The following ZC3H11A variants were observed in gnomAD, a reference collection of about 807,000 sequenced individuals.
ZC3H11A encodes zinc finger CCCH-type containing 11A, also known as zinc finger CCCH domain-containing protein 11A.
In ZC3H11A, 22 loss-of-function variants were observed where a neutral mutation model predicts 90.8. The ratio of observed to expected loss-of-function variants is 0.24; its 90% CI spans 0.17 to 0.35. The LOEUF is 0.35. Ranked by LOEUF, ZC3H11A falls within the 10% of genes least tolerant of loss-of-function variation. The probability of loss-of-function intolerance (pLI) is 1.00; values close to 1 mark genes in which losing one functional copy is unlikely to be tolerated. For synonymous variants in ZC3H11A, 294 were observed against 339.8 expected (o/e 0.87, Z 1.48); for missense variants, 701 against 964.9 (o/e 0.73, Z 3.62).
chr1:203,852,248 C>T lies in ZC3H11A; in HGVS notation c.2282C>T (p.Ser761Leu), dbSNP rs1689491294. 3.1e-6 allele frequency: 5 copies of T among 1,613,658 alleles called. No homozygotes were observed. Among genetic ancestry groups the T allele is most frequent in the Non-Finnish European group, 4.2e-6 (5 of 1,179,822 alleles). The change falls in exon 18 of 18, where the codon TCA becomes TTA. Residue 761 changes from serine to leucine, a missense_variant. Coordinates refer to ENST00000367210, the MANE Select transcript of ZC3H11A (RefSeq NM_001376342.1). ...AAAACTCGCCGACTCAGCTCTGCCT[C>T]AACAGGAAAGCCCCCACTCTCTGTG... ...SMKTRRLSSA[S>L]TGKPPLSVED... is the part of the protein sequence containing the mutation.
At chr1:203,825,076 CAA>C (rs61108073) in intron 4 of ZC3H11A, among the ~76,000 whole-genome samples, 2 of 108,972 alleles carry the variant, frequency 1.8e-5, no homozygotes. Flanking sequence ...GACTCCGTCT[CAA>C]AAAAAAAAAA....
intron 12 of ZC3H11A, among the ~76,000 whole-genome samples, 174 bp from the exon 13 acceptor site, chr1:203,847,010 A>AAAAAAG (rs1157879270): frequency 6.6e-6 from 1 of 152,050 alleles, no homozygotes; most frequent in East Asian, 1.9e-4. Context: ...GTCTTAAAAA[A>AAAAAAG]AAAAAGAAAA....
At chr1:203,832,768 G>A (rs903218815) in intron 9 of ZC3H11A, among the ~76,000 whole-genome samples, 8 of 152,218 alleles carry the variant, frequency 5.3e-5, no homozygotes, top group Admixed American at 3.9e-4. Context: ...AGAAGAAAGA[G>A]AGCTCACTTC....
intron 1 of ZC3H11A, chr1:203,797,434 T>C: frequency 1.6e-6 from 2 of 1,238,288 alleles, no homozygotes; most frequent in Non-Finnish European, 2.1e-6. Context: ...GGAGAAAAGG[T>C]AATGCAAGTA....
intron 12 of ZC3H11A, 59 bp from the exon 13 acceptor site, chr1:203,847,125 A>T (rs1024441852): frequency 6.3e-7 from 1 of 1,576,124 alleles, no homozygotes; most frequent in East Asian, 2.2e-5. Flanking sequence ...TAGAGAGATC[A>T]TAAGTCAGTA....
In ZC3H11A at chr1:203,798,667, C is replaced by G. The variant is rs1669492752; in HGVS notation, c.-1588+2873C>G. 2.6e-6 allele frequency: 4 copies of G among 1,536,016 alleles called. No homozygotes were observed. In the African/African-American group the frequency reaches 4.1e-5, roughly 16 times the overall value. On this transcript the variant is annotated intron_variant, in intron 1 of 17. Coordinates refer to ENST00000367210, the MANE Select transcript of ZC3H11A (RefSeq NM_001376342.1). ...GAGGTTGAAAACAGATCTGAAAGTCCTATTCCCGTTGCAGAGCAAGGCACT... is the reference window on the plus strand; with the variant it reads ...GAGGTTGAAAACAGATCTGAAAGTCGTATTCCCGTTGCAGAGCAAGGCACT...
rs778059892 is a variant in ZC3H11A at position 203,852,185 on chromosome 1, C to A, written c.2219C>A (p.Pro740Gln). ...CAGTCCTCTTCAGATTCCTCACCCC[C>A]GGAGGTGTCTGGCCCTTCCTCATCC... ...PTQSSSDSSP[P>Q]EVSGPSSSQM... The change falls in exon 18 of 18, where the codon CCG becomes CAG. Residue 740 changes from proline (P) to glutamine (Q), a missense_variant. By Grantham distance (76) the Pro-to-Gln change is moderately conservative (BLOSUM62 -1). Coordinates refer to ENST00000367210, the MANE Select transcript of ZC3H11A (RefSeq NM_001376342.1). 6.2e-7 allele frequency: 1 copy of A among 1,613,650 alleles called. No homozygotes were observed.
In ZC3H11A at chr1:203,835,867, A is replaced by G. The variant is rs12074051; in HGVS notation, c.874+2014A>G. On this transcript the variant is annotated intron_variant, in intron 10 of 17. Coordinates refer to ENST00000367210, the MANE Select transcript of ZC3H11A (RefSeq NM_001376342.1). ...TGCTCCCTTTTTTTCCGGAGACCCC[A>G]CTTATAGCCAGCAAAAATGCCCTTG... 3.0e-3 allele frequency: 732 copies of G among 244,594 alleles called. 11 individuals carry two copies. The highest frequency in any genetic ancestry group is 0.016 in the African/African-American group (674 of 43,246). 15.2% of individuals were successfully genotyped at this position (244,594 alleles called of 1,614,324 possible). A position where few individuals can be genotyped will look rare whatever the true frequency, so the allele number is the denominator to read the frequency against.
intron 4 of ZC3H11A, among the ~76,000 whole-genome samples, chr1:203,825,076 CAAAAAAA>C (rs61108073): frequency 3.7e-5 from 4 of 108,986 alleles, no homozygotes; most frequent in Admixed American, 1.1e-4. Flanking sequence ...GACTCCGTCT[CAAAAAAA>C]AAAAAAAAAA....
intron 9 of ZC3H11A, among the ~76,000 whole-genome samples, chr1:203,832,963 G>A (rs1417887396): frequency 6.6e-6 from 1 of 152,210 alleles, no homozygotes. Flanking sequence ...GCTGTGCGCA[G>A]TGGCTTACAT....
chr1:203,837,770 A>C (rs560342454), intron 10 of ZC3H11A, among the ~76,000 whole-genome samples, 196 bp from the exon 11 acceptor site: 2 of 152,252 alleles, frequency 1.3e-5, no homozygotes, highest in East Asian at 3.9e-4. Context: ...GAGCCACTGC[A>C]CCTTGCCTTC....
chr1:203,813,194 TTTTTTTG>T (rs796151697), intron 2 of ZC3H11A, among the ~76,000 whole-genome samples: 221 of 144,494 alleles, frequency 1.5e-3, no homozygotes, highest in African/African-American at 6.1e-3. Context: ...CAATTTAATG[TTTTTTTG>T]TTTTTTGTTT....
chr1:203,833,757 TA>T, intron 9 of ZC3H11A, 33 bp from the exon 10 acceptor site: 1 of 1,591,492 alleles, frequency 6.3e-7, no homozygotes, highest in African/African-American at 1.4e-5. Context: ...AAAAATTGAC[TA>T]AGGATAGAGA....
chr1:203,796,212 C>G (rs562088193), intron 1 of ZC3H11A: 60 of 389,672 alleles, frequency 1.5e-4, no homozygotes, highest in Non-Finnish European at 2.6e-4. Context: ...AACAGTTTCT[C>G]TAGTTGAGCG....
rs1681692028 is a variant in ZC3H11A, at chr1:203,829,885, A to G, written c.608A>G (p.Asn203Ser). 6.2e-7 allele frequency: 1 copy of G among 1,613,884 alleles called. No homozygotes were observed. Among genetic ancestry groups the G allele is most frequent in the East Asian group, 2.2e-5 (1 of 44,884 alleles). ...RVTSVRKPAV[N>S]IKQGECLNFG... Reference sequence around the variant, plus strand: ...ACTTCTGTCCGGAAACCTGCAGTCAATATAAAGCAAGGTAAGAAGAGGCTA... The same window carrying G: ...ACTTCTGTCCGGAAACCTGCAGTCAGTATAAAGCAAGGTAAGAAGAGGCTA... The change falls in exon 7 of 18, where the codon AAT becomes AGT. Residue 203 changes from asparagine to serine, a missense_variant. Physicochemically the swap from Asn to Ser is conservative, Grantham distance 46. This residue lies in a region of ZC3H11A where 530 missense variants were observed against 696.2 expected (regional missense o/e 0.76). Transcript: ENST00000367210.
At chr1:203,796,257 C>G (rs1188536007) in intron 1 of ZC3H11A, 10 of 395,220 alleles carry the variant, frequency 2.5e-5, no homozygotes, top group Non-Finnish European at 4.5e-5. Context: ...GACTGAGTGC[C>G]GGGCGCTGAA....
chr1:203,824,930 A>G (rs1248476616), intron 4 of ZC3H11A, among the ~76,000 whole-genome samples: 5 of 151,950 alleles, frequency 3.3e-5, no homozygotes, highest in Non-Finnish European at 7.4e-5. Flanking sequence ...CAAAAAAATT[A>G]GCCGGGCATG....
At position 203,828,424 on chromosome 1, in the gene ZC3H11A, T is replaced by G. The variant is rs753586280; in HGVS notation, c.298+2T>G. The G allele has an allele frequency of 6.2e-7, 1 of 1,607,842 alleles. No homozygotes were observed. Among genetic ancestry groups the G allele is most frequent in the Non-Finnish European group, 8.5e-7 (1 of 1,176,442 alleles). On this transcript the variant is annotated splice_donor_variant, in intron 5 of 17. Coordinates refer to ENST00000367210, the MANE Select transcript of ZC3H11A (RefSeq NM_001376342.1). LOFTEE classifies it high-confidence loss of function. ...GCCTTTTCCTACCTCCGAGCAAAAGTGAGATCAGTTTTTAATTTTAAAAGA... is the reference window on the plus strand; with the variant it reads ...GCCTTTTCCTACCTCCGAGCAAAAGGGAGATCAGTTTTTAATTTTAAAAGA...
chr1:203,803,352 G>A (rs944523959), intron 2 of ZC3H11A, among the ~76,000 whole-genome samples: 3 of 151,714 alleles, frequency 2.0e-5, no homozygotes, highest in Non-Finnish European at 4.4e-5. Flanking sequence ...CCACTACACC[G>A]GATAATTTTT....
Sources: allele counts gnomAD v4.1 joint callset (sites outside exome capture counted in the v4.1 genomes callset), GRCh38; gene constraint gnomAD v4.1.1; regional missense constraint gnomAD v4.1.1; transcripts MANE v1.5; gene names NCBI Gene and HGNC (gene_info 2026-07-23, HGNC 2026-07-21).